CACNA2D1: variants seen among roughly 807,000 people sequenced by gnomAD.
The protein encoded by CACNA2D1 is voltage-dependent calcium channel subunit alpha-2/delta-1.
A neutral mutation model predicts 171.5 loss-of-function variants in CACNA2D1; 53 were observed. The observed-to-expected ratio is 0.31, with a 90% confidence interval of 0.25 to 0.39. The LOEUF (loss-of-function observed/expected upper bound fraction) is 0.39, where lower values mean the gene tolerates loss of function less well. Among genes scored for constraint, CACNA2D1 ranks in the 10% least tolerant of loss-of-function variants. The probability of loss-of-function intolerance (pLI) is 1.00; values close to 1 mark genes in which losing one functional copy is unlikely to be tolerated. For missense variants in CACNA2D1, 903 were observed against 1,299.8 expected, an observed-to-expected ratio of 0.69 and a Z score of 4.69; for synonymous variants, 442 against 443.1, an observed-to-expected ratio of 1.00 and a Z score of 0.03.
intron 10 of CACNA2D1, among the ~76,000 whole-genome samples, chr7:82,060,224 T>TATATATATATA (rs1562982536): frequency 1.4e-4 from 8 of 56,674 alleles, no homozygotes; most frequent in African/African-American, 5.4e-4. Flanking sequence ...ATATATATAA[T>TATATATATATA]ATATATATAT....
intron 10 of CACNA2D1, among the ~76,000 whole-genome samples, chr7:82,056,668 C>T (rs1805946374): frequency 6.6e-6 from 1 of 152,142 alleles, no homozygotes; most frequent in African/African-American, 2.4e-5. Flanking sequence ...AGTACCACTT[C>T]TCAAAGAAAG....
intron 1 of CACNA2D1, among the ~76,000 whole-genome samples, chr7:82,392,484 G>T (rs140556260): frequency 6.6e-6 from 1 of 152,296 alleles, no homozygotes; most frequent in South Asian, 2.1e-4. Context: ...GGTACAAGCC[G>T]TAATGCAGGG....
intron 3 of CACNA2D1, among the ~76,000 whole-genome samples, chr7:82,227,860 G>C (rs913679639): frequency 6.6e-6 from 1 of 151,852 alleles, no homozygotes; most frequent in African/African-American, 2.4e-5. Flanking sequence ...ATAAATAAAG[G>C]CTTTATATAT....
intron 1 of CACNA2D1, among the ~76,000 whole-genome samples, chr7:82,433,789 C>G (rs1829904685): frequency 1.3e-5 from 2 of 152,216 alleles, no homozygotes; most frequent in South Asian, 4.1e-4. Context: ...CGGCTCTTCC[C>G]CTATCCAGGG....
At chr7:81,958,568 T>G (rs926250293) in intron 38 of CACNA2D1, among the ~76,000 whole-genome samples, 17 of 152,068 alleles carry the variant, frequency 1.1e-4, no homozygotes, top group African/African-American at 3.9e-4. Flanking sequence ...TTACCTACCT[T>G]GTATATAATC....
Position 82,066,526 on chromosome 7 carries a change from T to TAAAAAAAA in CACNA2D1, c.659-10_659-3dup. On this transcript the variant is annotated splice_region_variant and splice_polypyrimidine_tract_variant and intron_variant, in intron 7 of 38. Transcript: ENST00000356860. ...TACTATTATCAACCCATGGTGAAGCTAAAAAAAAAAAAAAAAGAGAGATAT... is the reference window on the plus strand; with the variant it reads ...TACTATTATCAACCCATGGTGAAGCTAAAAAAAAAAAAAAAAAAAAAAAAGAGAGATAT... The TAAAAAAAA allele has an allele frequency of 6.9e-7, 1 of 1,448,194 alleles. No homozygotes were observed. The highest frequency in any genetic ancestry group is 9.1e-7 in the Non-Finnish European group (1 of 1,100,732). The allele number at this position is 1,448,194 out of a possible 1,614,324, so 89.7% of individuals were successfully genotyped here.
chr7:82,113,245 A>G (rs141762085), intron 6 of CACNA2D1, among the ~76,000 whole-genome samples: 64 of 152,260 alleles, frequency 4.2e-4, no homozygotes, highest in African/African-American at 5.1e-4. Context: ...AAATAATTAT[A>G]CAATATTCTA....
chr7:82,080,515 C>CA lies in CACNA2D1; in HGVS notation c.658+4253dup, dbSNP rs1188186084. Among the ~76,000 whole-genome samples the CA allele has an allele frequency of 3.7e-4, 56 of 151,962 alleles. 1 individual carries two copies. Among genetic ancestry groups the CA allele is most frequent in the Non-Finnish European group, 7.5e-4 (51 of 67,942 alleles). Reference sequence around the variant, plus strand: ...TGAAAGACAAGGTTGATGAATTTAGCAAAAAGAAATACAAGACAATCAGTT... The same window carrying CA: ...TGAAAGACAAGGTTGATGAATTTAGCAAAAAAGAAATACAAGACAATCAGTT... On this transcript the variant is annotated intron_variant, in intron 7 of 38. Transcript: ENST00000356860.
At chr7:82,197,991 G>A (rs1361116571) in intron 3 of CACNA2D1, among the ~76,000 whole-genome samples, 1 of 151,388 alleles carries the variant, frequency 6.6e-6, no homozygotes, top group Non-Finnish European at 1.5e-5. Context: ...TGTATTAAAT[G>A]TCAGGATCTT....
At chr7:82,335,018 G>A (rs369949796) in intron 3 of CACNA2D1, 117 bp downstream of exon 3, 1 of 760,386 alleles carries the variant, frequency 1.3e-6, no homozygotes, top group Non-Finnish European at 2.4e-6. Flanking sequence ...GAACATATCA[G>A]ATGAACACAG....
intron 2 of CACNA2D1, among the ~76,000 whole-genome samples, chr7:82,348,097 C>T (rs1462722697): frequency 6.6e-6 from 1 of 152,074 alleles, no homozygotes; most frequent in Non-Finnish European, 1.5e-5. Context: ...CTCCATCTGT[C>T]GATAAAGACA....
intron 3 of CACNA2D1, among the ~76,000 whole-genome samples, chr7:82,179,520 C>T (rs531662725): frequency 1.3e-5 from 2 of 152,092 alleles, no homozygotes; most frequent in South Asian, 4.1e-4. Context: ...TTCCAAAGGC[C>T]TTCAATCACT....
chr7:82,197,390 T>A (rs1798957057), intron 3 of CACNA2D1, among the ~76,000 whole-genome samples: 1 of 152,094 alleles, frequency 6.6e-6, no homozygotes, highest in African/African-American at 2.4e-5. Flanking sequence ...TAATTCAAGA[T>A]TATTAGAAAT....
At chr7:82,424,670 T>C (rs973527817) in intron 1 of CACNA2D1, among the ~76,000 whole-genome samples, 2 of 152,216 alleles carry the variant, frequency 1.3e-5, no homozygotes, top group Admixed American at 1.3e-4. Context: ...GCTTAAACCA[T>C]AGCAAAGAGA....
intron 3 of CACNA2D1, among the ~76,000 whole-genome samples, chr7:82,330,848 A>G: frequency 6.6e-6 from 1 of 152,140 alleles, no homozygotes; most frequent in East Asian, 1.9e-4. Context: ...GTAGGAATGT[A>G]GATCTTGAAG....
At chr7:82,093,586 G>T (rs933483163) in intron 6 of CACNA2D1, among the ~76,000 whole-genome samples, 1 of 151,910 alleles carries the variant, frequency 6.6e-6, no homozygotes, top group Middle Eastern at 3.2e-3. Context: ...CATTTCAATT[G>T]CTATAAGACA....
intron 3 of CACNA2D1, among the ~76,000 whole-genome samples, chr7:82,206,535 G>A (rs1304413279): frequency 6.6e-6 from 1 of 152,036 alleles, no homozygotes; most frequent in Non-Finnish European, 1.5e-5. Context: ...ATAATTAGCT[G>A]CACTCAGATA....
intron 3 of CACNA2D1, among the ~76,000 whole-genome samples, chr7:82,259,343 T>C (rs62463012): frequency 4.2e-4 from 64 of 152,324 alleles, no homozygotes; most frequent in Non-Finnish European, 8.2e-4. Context: ...GTAATAGGGT[T>C]AAAATGTAAA....
At chr7:82,208,375 A>C (rs948541406) in intron 3 of CACNA2D1, among the ~76,000 whole-genome samples, 1 of 152,178 alleles carries the variant, frequency 6.6e-6, no homozygotes, top group Non-Finnish European at 1.5e-5. Context: ...TTACATTAAA[A>C]AATATTCAGG....
Sources: gnomAD v4.1 joint callset for allele counts (sites outside exome capture counted in the v4.1 genomes callset) on GRCh38, gnomAD v4.1.1 for gene constraint, MANE v1.5 for transcripts, NCBI Gene and HGNC (gene_info 2026-07-23, HGNC 2026-07-21) for gene names.